The following DGKB variants were observed in gnomAD, a reference collection of about 807,000 sequenced individuals.
DGKB encodes the protein diacylglycerol kinase beta.
DGKB carries 67 observed loss-of-function variants against 114.3 expected under a neutral mutation model. That is an observed-to-expected ratio of 0.59 (90% CI 0.48 to 0.72). DGKB has a LOEUF of 0.72. Among genes scored for constraint, DGKB ranks in the 30% least tolerant of loss-of-function variants. DGKB has a pLI of 0.00. For missense variants in DGKB, 907 were observed against 975.2 expected (o/e 0.93, Z 0.93); for synonymous variants, 398 against 323.1 (o/e 1.23, Z -2.49).
chr7:14,618,037 T>G (rs1806876075), intron 15 of DGKB, among the ~76,000 whole-genome samples: 1 of 151,578 alleles, frequency 6.6e-6, no homozygotes, highest in African/African-American at 2.4e-5. Context: ...ATTCTGGGTT[T>G]ACATTGAGAG....
intron 1 of DGKB, among the ~76,000 whole-genome samples, chr7:14,944,462 A>C (rs1785749513): frequency 6.6e-6 from 1 of 152,006 alleles, no homozygotes; most frequent in South Asian, 2.1e-4. Flanking sequence ...TTAGAAGTTC[A>C]TAATCACATT....
At chr7:14,465,820 G>A (rs1347688558) in intron 21 of DGKB, among the ~76,000 whole-genome samples, 5 of 152,142 alleles carry the variant, frequency 3.3e-5, no homozygotes, top group African/African-American at 4.8e-5. Flanking sequence ...GCTTATTAGC[G>A]TTGTCTTAAT....
intron 17 of DGKB, among the ~76,000 whole-genome samples, chr7:14,586,901 T>C (rs1230339704): frequency 1.3e-5 from 2 of 151,754 alleles, no homozygotes; most frequent in African/African-American, 4.8e-5. Context: ...TCATTGACAA[T>C]GTACCTGGTC....
At chr7:14,477,635 G>A (rs748088851) in intron 21 of DGKB, among the ~76,000 whole-genome samples, 2 of 152,224 alleles carry the variant, frequency 1.3e-5, no homozygotes, top group East Asian at 1.9e-4. Context: ...TTGCTCTTAT[G>A]AGGAAAGAAA....
At chr7:14,897,913 T>G (rs571641941) in intron 1 of DGKB, among the ~76,000 whole-genome samples, 71 of 152,124 alleles carry the variant, frequency 4.7e-4, no homozygotes, top group African/African-American at 1.7e-3. Flanking sequence ...ATACAGTTCA[T>G]TAAAAGAAGT....
At chr7:14,788,209 C>T (rs1023324611) in intron 2 of DGKB, among the ~76,000 whole-genome samples, 1 of 152,152 alleles carries the variant, frequency 6.6e-6, no homozygotes, top group African/African-American at 2.4e-5. Context: ...GATCTGTTTG[C>T]GTCTGGAGAA....
At chr7:14,522,750 T>G (rs934094761) in intron 20 of DGKB, among the ~76,000 whole-genome samples, 1 of 152,228 alleles carries the variant, frequency 6.6e-6, no homozygotes, top group Non-Finnish European at 1.5e-5. Flanking sequence ...TTTGACAAGT[T>G]TGTCCAGCTT....
intron 23 of DGKB, among the ~76,000 whole-genome samples, chr7:14,238,660 T>C (rs1793187636): frequency 6.6e-6 from 1 of 151,794 alleles, no homozygotes; most frequent in Admixed American, 6.6e-5. Flanking sequence ...TTGTCTTCTG[T>C]AGAGAGAAGA....
At chr7:14,796,255 A>C (rs1359995540) in intron 2 of DGKB, among the ~76,000 whole-genome samples, 1 of 152,340 alleles carries the variant, frequency 6.6e-6, no homozygotes. Context: ...TTTTTGATGG[A>C]AAAATTTATC....
intron 21 of DGKB, among the ~76,000 whole-genome samples, chr7:14,443,669 G>C (rs992421201): frequency 1.3e-5 from 2 of 151,946 alleles, no homozygotes; most frequent in African/African-American, 4.8e-5. Flanking sequence ...GAACTTTAAA[G>C]GTTCTCTCAT....
At chr7:14,608,362 A>G (rs1054554945) in intron 16 of DGKB, among the ~76,000 whole-genome samples, 1 of 152,114 alleles carries the variant, frequency 6.6e-6, no homozygotes, top group Admixed American at 6.6e-5. Context: ...ATAGATGCAG[A>G]AAAAGCATTT....
At chr7:14,595,951 C>A (rs1802506885) in intron 17 of DGKB, among the ~76,000 whole-genome samples, 1 of 152,016 alleles carries the variant, frequency 6.6e-6, no homozygotes, top group African/African-American at 2.4e-5. Context: ...CATAGCCAAG[C>A]TGTAAGACTT....
chr7:14,781,470 G>T (rs762687064), intron 2 of DGKB, among the ~76,000 whole-genome samples: 1 of 152,080 alleles, frequency 6.6e-6, no homozygotes, highest in Non-Finnish European at 1.5e-5. Flanking sequence ...TAACTATTCT[G>T]GTTGCCTCCC....
At chr7:14,381,780 C>T (rs1395015631) in intron 21 of DGKB, among the ~76,000 whole-genome samples, 1 of 152,156 alleles carries the variant, frequency 6.6e-6, no homozygotes, top group African/African-American at 2.4e-5. Context: ...CAGCTTCCTC[C>T]TGTCTCTAGC....
intron 2 of DGKB, among the ~76,000 whole-genome samples, chr7:14,785,367 G>C (rs558473946): frequency 1.1e-4 from 16 of 151,888 alleles, no homozygotes; most frequent in Non-Finnish European, 2.4e-4. Flanking sequence ...TTCTTGCCTT[G>C]TCATTTGATT....
intron 23 of DGKB, among the ~76,000 whole-genome samples, chr7:14,315,804 C>T (rs967626925): frequency 6.6e-6 from 1 of 151,618 alleles, no homozygotes; most frequent in African/African-American, 2.4e-5. Context: ...CTACAGAAGT[C>T]TCCACCCCAA....
chr7:14,781,164 A>T (rs1282128506), intron 2 of DGKB, among the ~76,000 whole-genome samples: 1 of 152,192 alleles, frequency 6.6e-6, no homozygotes, highest in Non-Finnish European at 1.5e-5. Context: ...TTCCCTTAAG[A>T]TGTGTGGTTG....
At chr7:14,371,923 A>C (rs1186070617) in intron 21 of DGKB, among the ~76,000 whole-genome samples, 2 of 152,182 alleles carry the variant, frequency 1.3e-5, no homozygotes, top group Non-Finnish European at 2.9e-5. Context: ...AATCTCTGGC[A>C]TGAGACTAAA....
rs1019384178 is a variant in DGKB at position 14,164,014 on chromosome 7, A to AC, written c.2304+12824_2304+12825insG. Among the ~76,000 whole-genome samples, 15 of 130,752 alleles carry AC rather than the reference A, an allele frequency of 1.1e-4. No individual in the cohort carries two copies. The East Asian group carries it at 1.5e-3, about 13-fold the overall frequency. The allele number at this position is 130,752 out of a possible 152,430, so 85.8% of individuals were successfully genotyped here. A position where few individuals can be genotyped will look rare whatever the true frequency, so the allele number is the denominator to read the frequency against. ...CCATCTCAAAAACAAAAAACAAACA[A>AC]AAAAAAAAACAAAATAAAAAACCTC... On this transcript the variant is annotated intron_variant, in intron 25 of 25. Coordinates refer to ENST00000402815, the MANE Select transcript of DGKB (RefSeq NM_001350709.2).
Sources: gnomAD v4.1 joint callset for allele counts (sites outside exome capture counted in the v4.1 genomes callset) on GRCh38, gnomAD v4.1.1 for gene constraint, MANE v1.5 for transcripts, NCBI Gene and HGNC (gene_info 2026-07-23, HGNC 2026-07-21) for gene names.